CSGALNACT1: variants seen among roughly 807,000 people sequenced by gnomAD.
CSGALNACT1 encodes the protein chondroitin sulfate N-acetylgalactosaminyltransferase 1.
CSGALNACT1 carries 52 observed loss-of-function variants against 51.0 expected under a neutral mutation model. The observed-to-expected ratio is 1.02, with a 90% confidence interval of 0.82 to 1.29. The LOEUF is 1.29. Ranked by LOEUF, CSGALNACT1 falls within the 50% of genes most tolerant of loss-of-function variation. The probability of loss-of-function intolerance (pLI) is 0.00; values close to 1 mark genes in which losing one functional copy is unlikely to be tolerated. For missense variants in CSGALNACT1, 935 were observed against 679.2 expected, an observed-to-expected ratio of 1.38 and a Z score of -4.19; for synonymous variants, 341 against 254.4, an observed-to-expected ratio of 1.34 and a Z score of -3.24.
intron 3 of CSGALNACT1, among the ~76,000 whole-genome samples, chr8:19,576,316 C>T (rs969034074): frequency 0.041 from 17 of 416 alleles, no homozygotes; most frequent in Admixed American, 0.056. Flanking sequence ...CTGCCTCAGC[C>T]TCCCCAATAC....
chr8:19,511,184 G>C (rs765047540), intron 3 of CSGALNACT1, among the ~76,000 whole-genome samples: 1 of 152,230 alleles, frequency 6.6e-6, no homozygotes, highest in Non-Finnish European at 1.5e-5. Context: ...AAGTGATAAA[G>C]GCAACTATTC....
chr8:19,584,373 G>A (rs955950232), intron 3 of CSGALNACT1, among the ~76,000 whole-genome samples: 10 of 152,092 alleles, frequency 6.6e-5, no homozygotes, highest in African/African-American at 1.2e-4. Context: ...TTTCACATTA[G>A]AATGTCAAAC....
intron 1 of CSGALNACT1, among the ~76,000 whole-genome samples, chr8:19,693,221 T>C (rs1481309043): frequency 2.0e-5 from 3 of 152,070 alleles, no homozygotes; most frequent in Non-Finnish European, 2.9e-5. Context: ...TCCCCTGCCT[T>C]TCTCTGCTTG....
chr8:19,481,125 G>C (rs1267758900), intron 4 of CSGALNACT1, among the ~76,000 whole-genome samples: 2 of 152,156 alleles, frequency 1.3e-5, no homozygotes, highest in Non-Finnish European at 2.9e-5. Context: ...ACAATGACCA[G>C]TTCTTATGTG....
At chr8:19,439,678 CAG>C in intron 6 of CSGALNACT1, 150 bp downstream of exon 5, 1 of 695,728 alleles carries the variant, frequency 1.4e-6, no homozygotes, top group Non-Finnish European at 2.6e-6. Flanking sequence ...AAGAGGAGTG[CAG>C]ACTTTTCCCT....
chr8:19,509,097 C>T (rs4921655), intron 3 of CSGALNACT1, among the ~76,000 whole-genome samples: 67,192 of 152,034 alleles, frequency 0.44, 16,074 homozygotes, highest in African/African-American at 0.64. Flanking sequence ...TCCTTTGAAA[C>T]GTCAGAAGCA....
chr8:19,525,592 G>C (rs2081504918), intron 3 of CSGALNACT1, among the ~76,000 whole-genome samples: 1 of 120,176 alleles, frequency 8.3e-6, no homozygotes, highest in Non-Finnish European at 1.6e-5. Context: ...ATGCCAGTCT[G>C]GCTGACAGAG....
chr8:19,723,286 T>C (rs1273014589), intron 1 of CSGALNACT1, among the ~76,000 whole-genome samples: 1 of 152,232 alleles, frequency 6.6e-6, no homozygotes. Flanking sequence ...ATCATATGTG[T>C]GTGTTTAATA....
intron 1 of CSGALNACT1, among the ~76,000 whole-genome samples, chr8:19,753,942 G>C (rs1225404922): frequency 6.6e-6 from 1 of 152,110 alleles, no homozygotes; most frequent in Non-Finnish European, 1.5e-5. Context: ...TTAGAAATAA[G>C]AAGTCTTCTC....
intron 3 of CSGALNACT1, among the ~76,000 whole-genome samples, chr8:19,570,587 C>T (rs1256626018): frequency 6.6e-6 from 1 of 152,114 alleles, no homozygotes; most frequent in South Asian, 2.1e-4. Context: ...GTGGCACACG[C>T]TGGGAGGGTT....
chr8:19,750,863 T>G, intron 1 of CSGALNACT1, among the ~76,000 whole-genome samples: 1 of 152,152 alleles, frequency 6.6e-6, no homozygotes. Flanking sequence ...ACACTCGATC[T>G]TATTCATACT....
At chr8:19,480,611 C>G (rs1242339157) in intron 4 of CSGALNACT1, among the ~76,000 whole-genome samples, 1 of 152,154 alleles carries the variant, frequency 6.6e-6, no homozygotes, top group Non-Finnish European at 1.5e-5. Context: ...AGAACAATTT[C>G]TTTTCCTTTG....
At chr8:19,485,513 T>C (rs1316047208) in intron 4 of CSGALNACT1, among the ~76,000 whole-genome samples, 1 of 152,088 alleles carries the variant, frequency 6.6e-6, no homozygotes, top group East Asian at 1.9e-4. Flanking sequence ...CCCCTGTTGA[T>C]GTTAACAGCT....
intron 1 of CSGALNACT1, among the ~76,000 whole-genome samples, chr8:19,716,612 C>CAAAAAAAAAAAAAAAAA (rs60464594): frequency 4.8e-5 from 2 of 41,968 alleles, no homozygotes; most frequent in Non-Finnish European, 8.3e-5. Context: ...ACCCTCTCTA[C>CAAAAAAAAAAAAAAAAA]AAAAAAAAAA....
intron 4 of CSGALNACT1, among the ~76,000 whole-genome samples, chr8:19,461,153 T>A (rs2065267404): frequency 6.6e-6 from 1 of 152,204 alleles, no homozygotes; most frequent in Non-Finnish European, 1.5e-5. Flanking sequence ...GAGCTCATGT[T>A]GGAAAAGATT....
intron 4 of CSGALNACT1, chr8:19,495,045 GAAC>G (rs1478652996): frequency 6.6e-6 from 1 of 152,162 alleles, no homozygotes; most frequent in East Asian, 1.9e-4. Flanking sequence ...TCACTCCGAA[GAAC>G]AACAAGCCCA....
chr8:19,613,267 T>A (rs181231309), intron 1 of CSGALNACT1, among the ~76,000 whole-genome samples: 1 of 152,216 alleles, frequency 6.6e-6, no homozygotes, highest in Non-Finnish European at 1.5e-5. Context: ...TCAGAACATA[T>A]AATTTATGTT....
At chr8:19,480,484 G>A (rs2071062871) in intron 4 of CSGALNACT1, among the ~76,000 whole-genome samples, 1 of 152,142 alleles carries the variant, frequency 6.6e-6, no homozygotes, top group African/African-American at 2.4e-5. Flanking sequence ...GCCATGGTAT[G>A]TACATACCAC....
chr8:19,460,617 T>G (rs1431966955), intron 4 of CSGALNACT1, among the ~76,000 whole-genome samples: 1 of 152,180 alleles, frequency 6.6e-6, no homozygotes, highest in Non-Finnish European at 1.5e-5. Flanking sequence ...ATCTGACAAG[T>G]GACACTGTGT....
Sources: gnomAD v4.1 joint callset for allele counts (sites outside exome capture counted in the v4.1 genomes callset) on GRCh38, gnomAD v4.1.1 for gene constraint, MANE v1.5 for transcripts, NCBI Gene and HGNC (gene_info 2026-07-23, HGNC 2026-07-21) for gene names.